PRKG1: variants seen among roughly 807,000 people sequenced by gnomAD.
The protein encoded by PRKG1 is cGMP-dependent protein kinase 1.
Under a neutral mutation model 88.1 loss-of-function variants are expected in PRKG1, and 35 were observed. The observed-to-expected ratio is 0.40, with a 90% CI of 0.30 to 0.53. The LOEUF is 0.53. Among genes scored for constraint, PRKG1 ranks in the 20% least tolerant of loss-of-function variants. The pLI is 0.59. For missense variants in PRKG1, 540 were observed against 839.8 expected, an observed-to-expected ratio of 0.64 and a Z score of 4.41; for synonymous variants, 303 against 292.5, an observed-to-expected ratio of 1.04 and a Z score of -0.37.
chr10:51,957,940 T>G (rs1024022098), intron 5 of PRKG1, among the ~76,000 whole-genome samples: 1 of 152,190 alleles, frequency 6.6e-6, no homozygotes, highest in Non-Finnish European at 1.5e-5. Context: ...GTGAGTTAGA[T>G]GCTCGGTTGA....
chr10:51,473,555 T>C (rs1840112232), intron 3 of PRKG1, among the ~76,000 whole-genome samples: 1 of 151,894 alleles, frequency 6.6e-6, no homozygotes, highest in Non-Finnish European at 1.5e-5. Flanking sequence ...CTACCTTCCA[T>C]AGTCAAAGAA....
intron 4 of PRKG1, among the ~76,000 whole-genome samples, chr10:51,892,347 C>T (rs1195217559): frequency 6.6e-6 from 1 of 151,954 alleles, no homozygotes; most frequent in Non-Finnish European, 1.5e-5. Flanking sequence ...TGTGGAATAC[C>T]CATTAATGTA....
intron 2 of PRKG1, among the ~76,000 whole-genome samples, chr10:51,284,242 A>C (rs2132208416): frequency 6.6e-6 from 1 of 152,366 alleles, no homozygotes; most frequent in South Asian, 2.1e-4. Context: ...TAAAAGAAAA[A>C]AGACATATTT....
intron 2 of PRKG1, among the ~76,000 whole-genome samples, chr10:51,235,878 A>G (rs573741225): frequency 6.6e-6 from 1 of 152,302 alleles, no homozygotes; most frequent in African/African-American, 2.4e-5. Context: ...GAGAGAACCA[A>G]TTAATATTTG....
intron 5 of PRKG1, among the ~76,000 whole-genome samples, chr10:51,966,145 G>A (rs2447653): frequency 0.49 from 74,045 of 151,876 alleles, 18,699 homozygotes; most frequent in Middle Eastern, 0.55. Context: ...AACATAAATC[G>A]TTTCTGAATG....
chr10:52,131,603 T>C (rs952805463), intron 7 of PRKG1, among the ~76,000 whole-genome samples: 2 of 151,630 alleles, frequency 1.3e-5, no homozygotes, highest in East Asian at 1.9e-4. Flanking sequence ...TCTCAGCACT[T>C]TGGGAGGCTG....
chr10:51,389,290 G>A (rs1837336308), intron 2 of PRKG1, among the ~76,000 whole-genome samples: 1 of 152,140 alleles, frequency 6.6e-6, no homozygotes, highest in Non-Finnish European at 1.5e-5. Context: ...ATTACTCTTA[G>A]AGAAATAACT....
chr10:51,483,024 T>G (rs2132851912), intron 3 of PRKG1, among the ~76,000 whole-genome samples: 1 of 148,606 alleles, frequency 6.7e-6, no homozygotes, highest in Middle Eastern at 3.5e-3. Context: ...TTTTTTTTTT[T>G]TTTTTGAGAT....
intron 2 of PRKG1, among the ~76,000 whole-genome samples, chr10:51,219,278 G>A (rs995644124): frequency 6.6e-6 from 1 of 152,090 alleles, no homozygotes; most frequent in Admixed American, 6.6e-5. Flanking sequence ...TGTTTATCAG[G>A]TGAGCATCTA....
intron 2 of PRKG1, among the ~76,000 whole-genome samples, chr10:51,211,133 C>T (rs1456624599): frequency 6.6e-6 from 1 of 152,214 alleles, no homozygotes; most frequent in East Asian, 1.9e-4. Context: ...AAGTGGGCTT[C>T]ATCCCTGGGA....
At chr10:52,112,212 C>G (rs373895365) in intron 7 of PRKG1, among the ~76,000 whole-genome samples, 39 of 152,256 alleles carry the variant, frequency 2.6e-4, no homozygotes, top group African/African-American at 8.9e-4. Flanking sequence ...AGGTTTCTAC[C>G]TGAATGCAGT....
intron 3 of PRKG1, among the ~76,000 whole-genome samples, chr10:51,635,517 T>A (rs1839636173): frequency 6.6e-6 from 1 of 152,122 alleles, no homozygotes; most frequent in Admixed American, 6.6e-5. Context: ...AAAACTCACT[T>A]GTGGGTCAGG....
chr10:52,179,006 G>A (rs1370016262), intron 9 of PRKG1, among the ~76,000 whole-genome samples: 2 of 150,918 alleles, frequency 1.3e-5, no homozygotes, highest in African/African-American at 4.9e-5. Context: ...TTTAACTCAA[G>A]GTTATTATTG....
At chr10:51,987,454 A>C (rs890658586) in intron 5 of PRKG1, among the ~76,000 whole-genome samples, 1 of 138,522 alleles carries the variant, frequency 7.2e-6, no homozygotes, top group Admixed American at 7.6e-5. Context: ...TCTTCTACTC[A>C]TTACTTTTTT....
At chr10:51,018,223 G>A (rs1843093820) in intron 1 of PRKG1, among the ~76,000 whole-genome samples, 1 of 152,142 alleles carries the variant, frequency 6.6e-6, no homozygotes, top group South Asian at 2.1e-4. Flanking sequence ...CTTTATTGCT[G>A]AAGGATAATT....
chr10:52,269,076 AT>A (rs1426975096), intron 10 of PRKG1, among the ~76,000 whole-genome samples: 1 of 151,742 alleles, frequency 6.6e-6, no homozygotes, highest in Non-Finnish European at 1.5e-5. Context: ...AAAAAAAAAA[AT>A]CTGTGTATCT....
intron 4 of PRKG1, among the ~76,000 whole-genome samples, chr10:51,837,666 T>C (rs887854827): frequency 6.6e-6 from 1 of 152,106 alleles, no homozygotes; most frequent in African/African-American, 2.4e-5. Flanking sequence ...ATAACCTACA[T>C]GCATTTGTCT....
chr10:51,508,854 G>T (rs1396455618), intron 3 of PRKG1, among the ~76,000 whole-genome samples: 2 of 152,166 alleles, frequency 1.3e-5, no homozygotes, highest in African/African-American at 4.8e-5. Flanking sequence ...AGGGGGAAAT[G>T]AGTTGTTTTT....
chr10:51,637,726 C>T (rs1839694368), intron 3 of PRKG1, among the ~76,000 whole-genome samples: 1 of 152,066 alleles, frequency 6.6e-6, no homozygotes, highest in South Asian at 2.1e-4. Context: ...GATGAGAACA[C>T]ATAGACACAT....
Sources: gnomAD v4.1 joint callset for allele counts (sites outside exome capture counted in the v4.1 genomes callset) on GRCh38, gnomAD v4.1.1 for gene constraint, MANE v1.5 for transcripts, NCBI Gene and HGNC (gene_info 2026-07-23, HGNC 2026-07-21) for gene names.